The following TCERG1 variants were observed in gnomAD, a reference collection of about 807,000 sequenced individuals.
The protein encoded by TCERG1 is transcription elongation regulator 1, also known as TATA box binding protein (TBP)-associated factor, RNA polymerase II, S, 150kD.
Under a neutral mutation model 144.7 loss-of-function variants are expected in TCERG1, and 37 were observed. The ratio of observed to expected loss-of-function variants is 0.26; its 90% CI spans 0.20 to 0.34. The LOEUF (loss-of-function observed/expected upper bound fraction) is 0.34, where lower values mean the gene tolerates loss of function less well. Among genes scored for constraint, TCERG1 ranks in the 10% least tolerant of loss-of-function variants. The probability of loss-of-function intolerance (pLI) is 1.00; values close to 1 mark genes in which losing one functional copy is unlikely to be tolerated. For missense variants in TCERG1, 1,027 were observed against 1,380.7 expected (o/e 0.74, Z 4.06); for synonymous variants, 492 against 458.2 (o/e 1.07, Z -0.94).
intron 5 of TCERG1, among the ~76,000 whole-genome samples, chr5:146,465,243 A>G (rs1472513222): frequency 1.3e-5 from 2 of 152,212 alleles, no homozygotes; most frequent in Non-Finnish European, 2.9e-5. Flanking sequence ...TATTAAGACC[A>G]GATCGTGGAT....
At chr5:146,466,263 G>A (rs1233830908) in intron 5 of TCERG1, among the ~76,000 whole-genome samples, 1 of 152,068 alleles carries the variant, frequency 6.6e-6, no homozygotes, top group Non-Finnish European at 1.5e-5. Context: ...AAGGTGAATG[G>A]GAAGGATTTG....
intron 11 of TCERG1, 43 bp downstream of exon 11, chr5:146,479,954 T>A: frequency 6.2e-7 from 1 of 1,609,018 alleles, no homozygotes; most frequent in Non-Finnish European, 8.5e-7. Flanking sequence ...TTTAATACTA[T>A]TAAAGCAAGT....
At position 146,498,641 on chromosome 5, in the gene TCERG1, T is replaced by C; in HGVS notation, c.2388T>C (p.Ala796=). Residue 796 remains alanine (A), a synonymous_variant, in exon 17 of 23, where the codon GCT becomes GCC. Coordinates refer to ENST00000679501, the MANE Select transcript of TCERG1 (RefSeq NM_001382548.1). The stretch of plus-strand genomic sequence containing the variant: ...CCTTGTTTAATGAGTTTGTGGCCGC[T>C]GCTAGGAAGAAAGAGAAAGAAGATT... ...REALFNEFVA[A]ARKKEKEDSK... is the part of the protein sequence containing the mutation. 1 of 1,611,030 alleles carries C rather than the reference T, an allele frequency of 6.2e-7. No individual in the cohort carries two copies. Among genetic ancestry groups the C allele is most frequent in the Non-Finnish European group, 8.5e-7 (1 of 1,178,644 alleles).
chr5:146,458,155 GTTATT>G lies in TCERG1; in HGVS notation c.439-711_439-707del, dbSNP rs576690412. Among the ~76,000 whole-genome samples, 316 of 151,660 alleles carry G rather than the reference GTTATT, an allele frequency of 2.1e-3. 1 individual carries two copies. The highest frequency in any genetic ancestry group is 7.2e-3 in the African/African-American group (298 of 41,364). On this transcript the variant is annotated intron_variant, in intron 3 of 22. Coordinates refer to ENST00000679501, the MANE Select transcript of TCERG1 (RefSeq NM_001382548.1). ...CGTGAGCCACTGTGCCTGGCCCTAA[GTTATT>G]TTATTTTATTTTATTTTTTATTTTT...
chr5:146,461,321 A>G (rs1763307780), intron 4 of TCERG1, among the ~76,000 whole-genome samples: 1 of 152,162 alleles, frequency 6.6e-6, no homozygotes, highest in Non-Finnish European at 1.5e-5. Context: ...TTAGTATCAT[A>G]AAGTGTTGTC....
chr5:146,465,637 T>G (rs1484345753), intron 5 of TCERG1, among the ~76,000 whole-genome samples: 1 of 152,164 alleles, frequency 6.6e-6, no homozygotes, highest in East Asian at 1.9e-4. Context: ...GTAGAAGTCA[T>G]TCAATAAACA....
chr5:146,461,985 T>C (rs1261583579), intron 4 of TCERG1: 3 of 152,600 alleles, frequency 2.0e-5, no homozygotes, highest in African/African-American at 4.8e-5. Context: ...CACACTGTTA[T>C]AAAATTATAT....
intron 16 of TCERG1, among the ~76,000 whole-genome samples, chr5:146,495,222 T>TA (rs1296266994): frequency 1.3e-5 from 2 of 152,194 alleles, no homozygotes; most frequent in East Asian, 3.9e-4. Context: ...TCAGATTTTT[T>TA]AAAAAAAATT....
rs372905217 is a variant in TCERG1 at position 146,459,011 on chromosome 5, C to T, written c.566C>T (p.Ala189Val). The change falls in exon 4 of 23, where the codon GCG becomes GTG. Residue 189 changes from alanine (A) to valine (V), a missense_variant. Transcript: ENST00000679501. ...GCACAGGTTCAGGCTCAGGCCCAGG[C>T]GCAGGCTCAGGCCCAGGCGCAGGCT... Reference protein sequence around the residue: ...AQAQVQAQAQAQAQAQAQAQA... With the variant: ...AQAQVQAQAQVQAQAQAQAQA... 2.2e-5 allele frequency: 36 copies of T among 1,613,004 alleles called. No homozygotes were observed. The highest frequency in any genetic ancestry group is 4.5e-5 in the East Asian group (2 of 44,848).
At chr5:146,475,503 C>T (rs936214863) in intron 9 of TCERG1, among the ~76,000 whole-genome samples, 1 of 152,128 alleles carries the variant, frequency 6.6e-6, no homozygotes, top group Non-Finnish European at 1.5e-5. Flanking sequence ...CTGGACTGCT[C>T]CCAACAAGAA....
At chr5:146,468,529 A>G in intron 6 of TCERG1, 126 bp downstream of exon 6, 1 of 819,104 alleles carries the variant, frequency 1.2e-6, no homozygotes, top group African/African-American at 1.8e-5. Context: ...CTTTTTAATG[A>G]GCAGTATAAA....
chr5:146,457,895 G>A (rs774570390), intron 3 of TCERG1, among the ~76,000 whole-genome samples: 2 of 152,304 alleles, frequency 1.3e-5, no homozygotes, highest in East Asian at 3.9e-4. Flanking sequence ...TGTCGCCCAG[G>A]CTAGAGAGCA....
intron 16 of TCERG1, among the ~76,000 whole-genome samples, chr5:146,497,298 G>A (rs1476578484): frequency 2.6e-5 from 4 of 152,122 alleles, no homozygotes; most frequent in African/African-American, 9.7e-5. Context: ...AGCTTCTCAA[G>A]TAGCTGGGAT....
At chr5:146,469,812 C>G (rs929123240) in intron 7 of TCERG1, 68 bp downstream of exon 7, 1 of 1,126,506 alleles carries the variant, frequency 8.9e-7, no homozygotes. Context: ...ATTTGAAATT[C>G]TGAGTTAATT....
chr5:146,508,027 A>G (rs1581588799), intron 21 of TCERG1, 71 bp downstream of exon 21: 3 of 997,382 alleles, frequency 3.0e-6, no homozygotes, highest in Non-Finnish European at 4.4e-6. Context: ...CAGCACTACT[A>G]TCTTAACCAA....
chr5:146,452,861 G>A (rs1450751114), intron 1 of TCERG1, among the ~76,000 whole-genome samples: 1 of 152,162 alleles, frequency 6.6e-6, no homozygotes, highest in African/African-American at 2.4e-5. Flanking sequence ...AAAGTGCTGG[G>A]ATTACAGGCG....
intron 10 of TCERG1, among the ~76,000 whole-genome samples, chr5:146,479,257 G>T (rs181247274): frequency 6.5e-4 from 99 of 152,140 alleles, no homozygotes; most frequent in African/African-American, 2.3e-3. Context: ...ACTGTGGCCC[G>T]CAAGTGGTAT....
At chr5:146,457,115 A>G in intron 2 of TCERG1, 68 bp from the exon 3 acceptor site, 2 of 1,563,764 alleles carry the variant, frequency 1.3e-6, no homozygotes, top group Admixed American at 1.8e-5. Flanking sequence ...TTACTTTTGA[A>G]TAGAATTCAG....
At chr5:146,454,169 C>G (rs1287749806) in intron 1 of TCERG1, among the ~76,000 whole-genome samples, 1 of 151,488 alleles carries the variant, frequency 6.6e-6, no homozygotes, top group African/African-American at 2.4e-5. Flanking sequence ...CCACTGTACT[C>G]CAGCCTGGCA....
Sources: gnomAD v4.1 joint callset for allele counts (sites outside exome capture counted in the v4.1 genomes callset) on GRCh38, gnomAD v4.1.1 for gene constraint, MANE v1.5 for transcripts, NCBI Gene and HGNC (gene_info 2026-07-23, HGNC 2026-07-21) for gene names.